Variants in PCDHGA7 observed in about 807,000 individuals in gnomAD.
PCDHGA7 encodes protocadherin gamma subfamily A, 7, also known as protocadherin gamma-A7.
Under a neutral mutation model 58.3 loss-of-function variants are expected in PCDHGA7, and 44 were observed. The observed-to-expected ratio is 0.75, with a 90% CI of 0.59 to 0.97. The LOEUF (loss-of-function observed/expected upper bound fraction) is 0.97. Ranked by LOEUF, PCDHGA7 falls within the 50% of genes least tolerant of loss-of-function variation. The pLI is 0.00. For synonymous variants in PCDHGA7, 516 were observed against 504.2 expected (o/e 1.02, Z -0.31); for missense variants, 1,266 against 1,188.7 (o/e 1.06, Z -0.96).
In PCDHGA7 at chr5:141,386,511, T is replaced by C. The variant is rs558161782; in HGVS notation, c.2424+1188T>C. Among the ~76,000 whole-genome samples the C allele has an allele frequency of 2.0e-4, 3 of 15,264 alleles. No homozygotes were observed. The East Asian group carries it at 5.2e-3, about 27-fold the overall frequency. 10.0% of individuals were successfully genotyped at this position (15,264 alleles called of 152,430 possible). ...GATAATATAACAAGACTCTGTCTCTTCAAAAAAAGACTCTTTTTAGACTAG... is the reference window on the plus strand; with the variant it reads ...GATAATATAACAAGACTCTGTCTCTCCAAAAAAAGACTCTTTTTAGACTAG... On this transcript the variant is annotated intron_variant, in intron 1 of 3. Coordinates refer to ENST00000518325, the MANE Select transcript of PCDHGA7 (RefSeq NM_018920.4).
At position 141,485,229 on chromosome 5, in the gene PCDHGA7, TC is replaced by T; in HGVS notation, c.2425-9576del. On this transcript the variant is annotated intron_variant, in intron 1 of 3. Transcript: ENST00000518325. The surrounding 1 kb of genome is among the most constrained non-coding windows in gnomAD (Gnocchi z 5.7). ...ATCTGGCGGTGGGCTACCCTTTTGT[TC>T]CTCTTTTACCACCTGGGTTACGTTT... 6.2e-7 allele frequency: 1 copy of T among 1,614,160 alleles called. No homozygotes were observed. The highest frequency in any genetic ancestry group is 8.5e-7 in the Non-Finnish European group (1 of 1,180,022).
At chr5:141,475,840 A>G (rs1039073157) in intron 1 of PCDHGA7, 2 of 434,770 alleles carry the variant, frequency 4.6e-6, no homozygotes, top group Non-Finnish European at 8.2e-6. Context: ...TGTCCTGCTC[A>G]GAGAGCCCGG....
chr5:141,399,817 G>T (rs369747431), intron 1 of PCDHGA7: 1 of 1,613,224 alleles, frequency 6.2e-7, no homozygotes, highest in South Asian at 1.1e-5. Flanking sequence ...CCCCGCGCTG[G>T]GTCCCGACGG....
chr5:141,480,021 C>G (rs1415230863), intron 1 of PCDHGA7, among the ~76,000 whole-genome samples: 1 of 152,208 alleles, frequency 6.6e-6, no homozygotes, highest in Non-Finnish European at 1.5e-5. Context: ...AATCTCCTTT[C>G]TAAGCCTCTT....
chr5:141,408,461 A>G, intron 1 of PCDHGA7: 4 of 1,614,044 alleles, frequency 2.5e-6, no homozygotes, highest in Non-Finnish European at 3.4e-6. Context: ...CTTACTTGTG[A>G]AGAACCGAAT....
intron 1 of PCDHGA7, chr5:141,413,089 C>T: frequency 7.1e-7 from 1 of 1,401,124 alleles, no homozygotes; most frequent in Non-Finnish European, 9.7e-7. Context: ...TACAGAGACA[C>T]CCTGAAGCCA....
At chr5:141,443,088 T>G (rs188899890) in intron 1 of PCDHGA7, among the ~76,000 whole-genome samples, 1 of 151,974 alleles carries the variant, frequency 6.6e-6, no homozygotes, top group African/African-American at 2.4e-5. Context: ...TGTTCCAGTC[T>G]CCTTCTCAAG....
chr5:141,448,983 T>G (rs1157371020), intron 1 of PCDHGA7, among the ~76,000 whole-genome samples: 1 of 152,004 alleles, frequency 6.6e-6, no homozygotes, highest in East Asian at 1.9e-4. Flanking sequence ...ACTTCCATAT[T>G]AATATATAGA....
At chr5:141,507,896 G>A (rs1457319438) in intron 3 of PCDHGA7, among the ~76,000 whole-genome samples, 1 of 152,210 alleles carries the variant, frequency 6.6e-6, no homozygotes, top group African/African-American at 2.4e-5. Flanking sequence ...GGTTCCTGAA[G>A]TCCAGCCCAG....
At chr5:141,413,740 C>A in intron 1 of PCDHGA7, 2 of 1,613,402 alleles carry the variant, frequency 1.2e-6, no homozygotes, top group Non-Finnish European at 1.7e-6. Flanking sequence ...AGTTCAGAGC[C>A]GTGCCAATGG....
chr5:141,383,625 C>T lies in PCDHGA7; in HGVS notation c.726C>T (p.Phe242=), dbSNP rs754758092. The T allele has an allele frequency of 2.0e-5, 32 of 1,613,930 alleles. No individual in the cohort carries two copies. The highest frequency in any genetic ancestry group is 2.7e-5 in the Non-Finnish European group (32 of 1,179,900). Reference sequence around the variant, plus strand: ...ATGTGAATGACCACACGCCTGTCTTCTCTCTGCCTCAGTACCAAGTAACTG... The same window carrying T: ...ATGTGAATGACCACACGCCTGTCTTTTCTCTGCCTCAGTACCAAGTAACTG... The part of the protein sequence containing the change: ...VVDVNDHTPV[F]SLPQYQVTVP... Residue 242 remains phenylalanine (F), a synonymous_variant, in exon 1 of 4, where the codon TTC becomes TTT. Transcript: ENST00000518325.
chr5:141,383,800 A>C lies in PCDHGA7; in HGVS notation c.901A>C (p.Ile301Leu). The change falls in exon 1 of 4, where the codon ATA (isoleucine) becomes CTA (leucine). Residue 301 changes from isoleucine to leucine, a missense_variant. Transcript: ENST00000518325. ...TCATCTGAACTCGCTTACAGGAGAA[A>C]TATCAACTTTAGAAGGATTAGATTA... The part of the protein sequence containing the change: ...MFHLNSLTGE[I>L]STLEGLDYEE... 1 of 1,614,000 alleles carries C rather than the reference A, an allele frequency of 6.2e-7. No individual in the cohort carries two copies. The highest frequency in any genetic ancestry group is 8.5e-7 in the Non-Finnish European group (1 of 1,179,896).
chr5:141,410,320 C>T (rs752279818), intron 1 of PCDHGA7: 54 of 1,613,880 alleles, frequency 3.3e-5, no homozygotes, highest in Non-Finnish European at 4.5e-5. Context: ...TCCTCCTCGC[C>T]GTGATTCTGG....
intron 1 of PCDHGA7, chr5:141,441,792 G>T: frequency 2.6e-6 from 1 of 389,292 alleles, no homozygotes; most frequent in Non-Finnish European, 5.1e-6. Context: ...GAATGACAAC[G>T]CACCGCGGGT....
At position 141,431,850 on chromosome 5, in the gene PCDHGA7, C is replaced by T; in HGVS notation, c.2424+46527C>T. On this transcript the variant is annotated intron_variant, in intron 1 of 3. Transcript: ENST00000518325. The surrounding 1 kb of genome is among the most constrained non-coding windows in gnomAD (Gnocchi z 4.8). ...GTTCCCGAAAACTCTCCCAGAGGGA[C>T]ATTAATTGCCCTTTTAAATGTAAAT... The T allele has an allele frequency of 1.9e-6, 3 of 1,614,234 alleles. No homozygotes were observed. The highest frequency in any genetic ancestry group is 2.2e-5 in the South Asian group (2 of 91,090).
At chr5:141,503,836 A>G (rs1260399957) in intron 2 of PCDHGA7, among the ~76,000 whole-genome samples, 4 of 152,142 alleles carry the variant, frequency 2.6e-5, no homozygotes, top group Admixed American at 6.5e-5. Flanking sequence ...AAAAGCAGGG[A>G]CAGACCTTGG....
chr5:141,460,766 A>G (rs1370331016), intron 1 of PCDHGA7, among the ~76,000 whole-genome samples: 1 of 152,056 alleles, frequency 6.6e-6, no homozygotes, highest in Non-Finnish European at 1.5e-5. Flanking sequence ...TACATATTGC[A>G]TATGTATGTA....
In PCDHGA7 at chr5:141,389,898, GA is replaced by G. The variant is rs916636012; in HGVS notation, c.2424+4576del. ...CGACAGCTTGCAGGAGGTGCTGCCGGATATCACTGACCGCCCCGACCCCTCT... is the reference window on the plus strand; with the variant it reads ...CGACAGCTTGCAGGAGGTGCTGCCGGTATCACTGACCGCCCCGACCCCTCT... On this transcript the variant is annotated intron_variant, in intron 1 of 3. Coordinates refer to ENST00000518325, the MANE Select transcript of PCDHGA7 (RefSeq NM_018920.4). 3.1e-6 allele frequency: 5 copies of G among 1,613,952 alleles called. No homozygotes were observed. In the African/African-American group the frequency reaches 5.3e-5, roughly 17 times the overall value.
In PCDHGA7 at chr5:141,382,914, G is replaced by T; in HGVS notation, c.15G>T (p.Pro5=). The part of the protein sequence containing the change: MAAQ[P]RGGDYRGFFL... ...GCAGGACGACTATGGCGGCTCAGCC[G>T]AGGGGCGGGGACTACAGAGGATTCT... The change falls in exon 1 of 4, where the codon CCG becomes CCT. Residue 5 remains proline (P), a synonymous_variant. Transcript: ENST00000518325. 6.4e-7 allele frequency: 1 copy of T among 1,552,980 alleles called. No individual in the cohort carries two copies. The highest frequency in any genetic ancestry group is 1.2e-5 in the South Asian group (1 of 82,384).
Sources: gnomAD v4.1 joint callset for allele counts (sites outside exome capture counted in the v4.1 genomes callset) on GRCh38, gnomAD v4.1.1 for gene constraint, Gnocchi (gnomAD v3.1) non-coding constraint, MANE v1.5 for transcripts, NCBI Gene and HGNC (gene_info 2026-07-23, HGNC 2026-07-21) for gene names.